FRMPD4: variants seen among roughly 807,000 people sequenced by gnomAD.
The protein encoded by FRMPD4 is FERM and PDZ domain-containing protein 4.
In FRMPD4, 22 loss-of-function variants were observed where a neutral mutation model predicts 94.1. The observed-to-expected ratio is 0.23, with a 90% confidence interval of 0.17 to 0.33. The LOEUF (loss-of-function observed/expected upper bound fraction) is 0.33, where lower values mean the gene tolerates loss of function less well. Among genes scored for constraint, FRMPD4 ranks in the 10% least tolerant of loss-of-function variants. The pLI is 1.00. For synonymous variants in FRMPD4, 631 were observed against 548.6 expected, an observed-to-expected ratio of 1.15 and a Z score of -2.10; for missense variants, 1,111 against 1,339.9, an observed-to-expected ratio of 0.83 and a Z score of 2.67.
chrX:12,301,332 T>A (rs72612878), intron 1 of FRMPD4, among the ~76,000 whole-genome samples: 23,072 of 111,203 alleles, frequency 0.21, 2,174 homozygotes, highest in Admixed American at 0.43. Context: ...ATGAAGTCTA[T>A]TATCTTTAGC....
chrX:12,583,713 G>A (rs996320137), intron 2 of FRMPD4, among the ~76,000 whole-genome samples: 4 of 112,675 alleles, frequency 3.6e-5, no homozygotes, highest in Non-Finnish European at 1.9e-5. Context: ...CGCTTCCCGC[G>A]ACCTCAAGAG....
At chrX:12,645,481 G>A (rs62590586) in intron 4 of FRMPD4, among the ~76,000 whole-genome samples, 37,269 of 104,336 alleles carry the variant, frequency 0.36, 5,808 homozygotes, top group Non-Finnish European at 0.47. Flanking sequence ...TCAGCCTCCC[G>A]AGTAGCTGGG....
chrX:12,454,908 C>G (rs754459924), intron 1 of FRMPD4, among the ~76,000 whole-genome samples: 7 of 107,961 alleles, frequency 6.5e-5, no homozygotes, highest in Non-Finnish European at 1.3e-4. Context: ...CTAAGCCTAC[C>G]TATCTCTCCA....
chrX:12,000,016 T>G (rs1349680220), intron 3 of FRMPD4, among the ~76,000 whole-genome samples: 1 of 112,246 alleles, frequency 8.9e-6, no homozygotes, highest in Non-Finnish European at 1.9e-5. Flanking sequence ...CAACTTGACA[T>G]TTAAAAAGCC....
At chrX:12,177,268 G>A (rs1601663642) in intron 1 of FRMPD4, among the ~76,000 whole-genome samples, 1 of 112,409 alleles carries the variant, frequency 8.9e-6, no homozygotes, top group African/African-American at 3.2e-5. Context: ...TGGTAGCCAC[G>A]TGAAGATTCA....
At chrX:12,390,973 A>G (rs949840121) in intron 1 of FRMPD4, among the ~76,000 whole-genome samples, 5 of 112,071 alleles carry the variant, frequency 4.5e-5, no homozygotes, top group African/African-American at 1.6e-4. Flanking sequence ...TTTCAGATCA[A>G]CATGGCAGGT....
intron 3 of FRMPD4, among the ~76,000 whole-genome samples, chrX:11,987,923 T>G (rs1054442647): frequency 8.1e-5 from 9 of 110,999 alleles, no homozygotes; most frequent in Non-Finnish European, 1.1e-4. Flanking sequence ...AGACACTGAT[T>G]TGAAAAATTG....
At chrX:12,449,183 C>A (rs1224267996) in intron 1 of FRMPD4, among the ~76,000 whole-genome samples, 2 of 111,941 alleles carry the variant, frequency 1.8e-5, no homozygotes, top group African/African-American at 6.5e-5. Flanking sequence ...AGAGAAAAAC[C>A]ATAGGATAAA....
intron 1 of FRMPD4, among the ~76,000 whole-genome samples, chrX:12,374,372 A>G (rs1216575238): frequency 1.8e-5 from 2 of 111,749 alleles, no homozygotes; most frequent in African/African-American, 6.5e-5. Flanking sequence ...ATTTCCCCAA[A>G]GCCTATATGA....
intron 1 of FRMPD4, among the ~76,000 whole-genome samples, chrX:12,200,539 GC>G (rs768568291): frequency 2.7e-5 from 3 of 110,409 alleles, no homozygotes; most frequent in Admixed American, 9.6e-5. Flanking sequence ...TCACCATATT[GC>G]CCAGGCTGGT....
intron 1 of FRMPD4, among the ~76,000 whole-genome samples, chrX:11,861,440 A>C (rs1261883662): frequency 9.0e-6 from 1 of 111,410 alleles, no homozygotes; most frequent in African/African-American, 3.3e-5. Flanking sequence ...AAAGAAAATC[A>C]GCACAAACAC....
At chrX:11,904,792 C>A (rs185721370) in intron 3 of FRMPD4, among the ~76,000 whole-genome samples, 41 of 112,159 alleles carry the variant, frequency 3.7e-4, no homozygotes, top group African/African-American at 1.3e-3. Context: ...GTACTCATAG[C>A]CCTTGAGCTT....
At chrX:11,916,832 C>T (rs1160170923) in intron 3 of FRMPD4, among the ~76,000 whole-genome samples, 2 of 111,579 alleles carry the variant, frequency 1.8e-5, no homozygotes, top group Non-Finnish European at 3.8e-5. Context: ...TGTGGACCCT[C>T]CCACACCCTC....
intron 3 of FRMPD4, among the ~76,000 whole-genome samples, chrX:12,612,556 T>C (rs2059193871): frequency 8.9e-6 from 1 of 112,366 alleles, no homozygotes; most frequent in Admixed American, 9.4e-5. Context: ...TGCCACTGTT[T>C]TGTATTTTGG....
chrX:12,034,188 C>T (rs1281075110), intron 3 of FRMPD4, among the ~76,000 whole-genome samples: 2 of 112,134 alleles, frequency 1.8e-5, no homozygotes, highest in African/African-American at 6.5e-5. Flanking sequence ...TTTCATCATC[C>T]TGAGCAATCA....
intron 1 of FRMPD4, among the ~76,000 whole-genome samples, chrX:12,439,411 T>C (rs940238722): frequency 2.7e-5 from 3 of 111,625 alleles, no homozygotes; most frequent in African/African-American, 9.8e-5. Flanking sequence ...TTTTCATTGT[T>C]CTTGACGCTT....
chrX:11,899,892 T>G (rs2053924588), intron 3 of FRMPD4, among the ~76,000 whole-genome samples: 1 of 112,464 alleles, frequency 8.9e-6, no homozygotes, highest in East Asian at 2.8e-4. Context: ...GAACAATGTT[T>G]TTTCTTTCAA....
intron 1 of FRMPD4, among the ~76,000 whole-genome samples, chrX:11,858,471 G>A (rs1036087585): frequency 9.9e-5 from 11 of 111,200 alleles, no homozygotes; most frequent in Admixed American, 2.9e-4. Context: ...CAAAGACCAC[G>A]TGTTCTCACT....
chrX:11,858,616 T>C (rs1412913298), intron 1 of FRMPD4, among the ~76,000 whole-genome samples: 5 of 110,947 alleles, frequency 4.5e-5, no homozygotes, highest in Non-Finnish European at 7.6e-5. Flanking sequence ...GATTAATGTC[T>C]AGGTGATGAA....
Sources: allele counts gnomAD v4.1 joint callset (sites outside exome capture counted in the v4.1 genomes callset), GRCh38; gene constraint gnomAD v4.1.1; transcripts MANE v1.5; gene names NCBI Gene and HGNC (gene_info 2026-07-23, HGNC 2026-07-21).